PLA2G2F: variants seen among roughly 807,000 people sequenced by gnomAD.
PLA2G2F encodes the protein group IIF secretory phospholipase A2.
PLA2G2F carries 17 observed loss-of-function variants against 15.9 expected under a neutral mutation model. That is an observed-to-expected ratio of 1.07 (90% CI 0.73 to 1.60). PLA2G2F has a LOEUF of 1.60. Among genes scored for constraint, PLA2G2F ranks in the 40% most tolerant of loss-of-function variants. PLA2G2F has a pLI of 0.00. For missense variants in PLA2G2F, 299 were observed against 278.2 expected (o/e 1.07, Z -0.53); for synonymous variants, 119 against 106.5 (o/e 1.12, Z -0.72).
rs2100699992 is a variant in PLA2G2F at position 20,150,089 on chromosome 1, G to C, written c.*1688G>C. 1 of 152,536 alleles carries C rather than the reference G, an allele frequency of 6.6e-6. No homozygotes were observed. The highest frequency in any genetic ancestry group is 1.9e-4 in the East Asian group (1 of 5,178). The allele number at this position is 152,536 out of a possible 1,614,324, so 9.4% of individuals were successfully genotyped here. A position where few individuals can be genotyped will look rare whatever the true frequency, so the allele number is the denominator to read the frequency against. Reference sequence around the variant, plus strand: ...AAGGACACTGCCACCCAGCGCCACAGTCAGTCTGGGAGGGGCCCACGCCCC... The same window carrying C: ...AAGGACACTGCCACCCAGCGCCACACTCAGTCTGGGAGGGGCCCACGCCCC... On this transcript the variant is annotated 3_prime_UTR_variant, in exon 5 of 5. Transcript: ENST00000375102.
At chr1:20,142,341 A>C (rs2017491642) in intron 2 of PLA2G2F, 1 of 152,462 alleles carries the variant, frequency 6.6e-6, no homozygotes, top group African/African-American at 2.4e-5. Context: ...GACCTGGGCA[A>C]GCCTGCACCT....
intron 4 of PLA2G2F, among the ~76,000 whole-genome samples, chr1:20,145,322 G>A (rs140003053): frequency 8.9e-5 from 13 of 146,254 alleles, no homozygotes; most frequent in East Asian, 2.0e-4. Context: ...TCTCTCTGTC[G>A]CAAGGCTGGA....
In PLA2G2F at chr1:20,139,473, G is replaced by A. The variant is rs758341321; in HGVS notation, c.46G>A (p.Val16Met). 1.3e-6 allele frequency: 2 copies of A among 1,581,986 alleles called. No homozygotes were observed. Among genetic ancestry groups the A allele is most frequent in the East Asian group, 2.3e-5 (1 of 43,410 alleles). Residue 16 changes from valine to methionine, a missense_variant, in exon 1 of 5, where the codon GTG becomes ATG. Transcript: ENST00000375102. ...KANPKGFKKK[V>M]LDRCFSGWRG... ...CAACCCCAAAGGGTTCAAAAAGAAG[G>A]TGCTGGATAGATGCTTCTCTGGGTG...
intron 2 of PLA2G2F, chr1:20,142,575 T>G (rs1388518059): frequency 6.6e-6 from 1 of 152,488 alleles, no homozygotes; most frequent in Non-Finnish European, 1.5e-5. Flanking sequence ...GGGGAGAATG[T>G]GTCCTGGGGT....
rs201534275 is a variant in PLA2G2F, at chr1:20,143,528, C to T, written c.252C>T (p.Phe84=). The T allele has an allele frequency of 3.7e-5, 60 of 1,614,038 alleles. No individual in the cohort carries two copies. The highest frequency in any genetic ancestry group is 4.5e-5 in the Non-Finnish European group (53 of 1,179,968). Residue 84 remains phenylalanine, a synonymous_variant, in exon 3 of 5, where the codon TTC becomes TTT. Transcript: ENST00000375102. ...AVTGRSAILS[F]VGYGCYCGLG... ...CAGGGAGGAGCGCCATCCTGTCCTT[C>T]GTGGGCTACGGTTGCTACTGTGGGC...
At chr1:20,146,743 C>T (rs1460825254) in intron 4 of PLA2G2F, among the ~76,000 whole-genome samples, 1 of 152,138 alleles carries the variant, frequency 6.6e-6, no homozygotes, top group African/African-American at 2.4e-5. Flanking sequence ...CCCTTGGGGG[C>T]CCAGATCTCT....
intron 1 of PLA2G2F, 152 bp downstream of exon 1, chr1:20,139,695 T>C: frequency 3.1e-6 from 2 of 636,702 alleles, no homozygotes; most frequent in Non-Finnish European, 5.2e-6. Context: ...GGCACTCATG[T>C]GGCCCAGGGA....
At position 20,149,802 on chromosome 1, in the gene PLA2G2F, A is replaced by C. The variant is rs1248792133; in HGVS notation, c.*1401A>C. The C allele has an allele frequency of 6.6e-6, 1 of 152,294 alleles. No homozygotes were observed. Among genetic ancestry groups the C allele is most frequent in the African/African-American group, 2.4e-5 (1 of 41,344 alleles). 9.4% of individuals were successfully genotyped at this position (152,294 alleles called of 1,614,324 possible). A position where few individuals can be genotyped will look rare whatever the true frequency, so the allele number is the denominator to read the frequency against. On this transcript the variant is annotated 3_prime_UTR_variant, in exon 5 of 5. Transcript: ENST00000375102. ...ACTGTTGTTTCTCCAGGTGCACCTT[A>C]CCTTCCTCCTTACCTGCCCGAGCCT...
At chr1:20,140,571 G>A (rs144211012) in intron 2 of PLA2G2F, 1 of 259,096 alleles carries the variant, frequency 3.9e-6, no homozygotes, top group Non-Finnish European at 7.5e-6. Flanking sequence ...CTATGTGTGT[G>A]TAGGTGTGTC....
At chr1:20,142,948 G>A (rs1295197852) in intron 2 of PLA2G2F, 1 of 152,662 alleles carries the variant, frequency 6.6e-6, no homozygotes, top group Non-Finnish European at 1.5e-5. Context: ...CATCCCCCTT[G>A]AGAAGTGTGT....
chr1:20,145,583 C>T (rs1269103609), intron 4 of PLA2G2F, among the ~76,000 whole-genome samples: 2 of 151,632 alleles, frequency 1.3e-5, no homozygotes, highest in Admixed American at 1.3e-4. Flanking sequence ...TCCAGCCAAA[C>T]ATGTACTGTT....
At chr1:20,141,497 AGTGTGTGTGAGATGG>A (rs1004663824) in intron 2 of PLA2G2F, 2 of 151,750 alleles carry the variant, frequency 1.3e-5, no homozygotes, top group Non-Finnish European at 2.9e-5. Context: ...CAGGTGTGTG[AGTGTGTGTGAGATGG>A]GTGTGTGTGT....
rs747196063 is a variant in PLA2G2F at position 20,143,560 on chromosome 1, G to C, written c.284G>C (p.Gly95Ala). The change falls in exon 3 of 5, where the codon GGC (glycine) becomes GCC (alanine). Residue 95 changes from glycine (G) to alanine (A), a missense_variant. Gly to Ala is a moderately conservative substitution (Grantham distance 60). Transcript: ENST00000375102. The part of the protein sequence containing the change: ...VGYGCYCGLG[G>A]RGQPKDEVDW... ...TACGGTTGCTACTGTGGGCTGGGGG[G>C]CCGTGGCCAGCCCAAGGATGAGGTG... 13 of 1,614,028 alleles carry C rather than the reference G, an allele frequency of 8.1e-6. No individual in the cohort carries two copies. Among genetic ancestry groups the C allele is most frequent in the South Asian group, 1.1e-5 (1 of 91,076 alleles).
At chr1:20,143,708 T>G (rs2017527147) in intron 3 of PLA2G2F, 118 bp downstream of exon 3, 1 of 1,298,518 alleles carries the variant, frequency 7.7e-7, no homozygotes, top group South Asian at 1.5e-5. Context: ...GGATCCAGCT[T>G]CTTTGATGAC....
At position 20,141,171 on chromosome 1, in the gene PLA2G2F, G is replaced by A. The variant is rs1404902475; in HGVS notation, c.169+953G>A. On this transcript the variant is annotated intron_variant, in intron 2 of 4. Coordinates refer to ENST00000375102, the MANE Select transcript of PLA2G2F (RefSeq NM_022819.4). ...TAGGGGCAGAGCCTTCAACCCAACT[G>A]AATGCGGACTTGGATTCCTTCGCTT... 2.0e-5 allele frequency: 3 copies of A among 152,310 alleles called. No homozygotes were observed. The East Asian group carries it at 5.8e-4, about 29-fold the overall frequency. 9.4% of individuals were successfully genotyped at this position (152,310 alleles called of 1,614,324 possible).
In PLA2G2F at chr1:20,148,495, G is replaced by T; in HGVS notation, c.*94G>T. ...GGTAGGAGCCAGGCCAGGAGCCTGAGGGTTGCTGGTTGCCTCCTCCCTGGA... is the reference window on the plus strand; with the variant it reads ...GGTAGGAGCCAGGCCAGGAGCCTGATGGTTGCTGGTTGCCTCCTCCCTGGA... On this transcript the variant is annotated 3_prime_UTR_variant, in exon 5 of 5. Transcript: ENST00000375102. 9.2e-7 allele frequency: 1 copy of T among 1,088,394 alleles called. No homozygotes were observed. Among genetic ancestry groups the T allele is most frequent in the Non-Finnish European group, 1.3e-6 (1 of 746,460 alleles). 67.4% of individuals were successfully genotyped at this position (1,088,394 alleles called of 1,614,324 possible).
intron 2 of PLA2G2F, chr1:20,140,728 G>C (rs1454525722): frequency 6.3e-6 from 1 of 159,452 alleles, no homozygotes; most frequent in Non-Finnish European, 1.4e-5. Context: ...ATGGATGAAG[G>C]GTGCATAGAT....
intron 1 of PLA2G2F, 29 bp from the exon 2 acceptor site, chr1:20,140,137 C>T (rs748676300): frequency 1.2e-6 from 2 of 1,611,660 alleles, no homozygotes. Context: ...AGGGGATGGA[C>T]TCAAGCTCCG....
rs1022553401 is a variant in PLA2G2F at position 20,149,503 on chromosome 1, G to A, written c.*1102G>A. 1.3e-5 allele frequency: 2 copies of A among 152,736 alleles called. No homozygotes were observed. The highest frequency in any genetic ancestry group is 2.4e-5 in the African/African-American group (1 of 41,474). 9.5% of individuals were successfully genotyped at this position (152,736 alleles called of 1,614,324 possible). A position where few individuals can be genotyped will look rare whatever the true frequency, so the allele number is the denominator to read the frequency against. The stretch of plus-strand genomic sequence containing the variant: ...CAGTGAAGAGGGAAACGTAAGCAGG[G>A]AGAGCATCAAGGCGGGAGGCAGCCT... On this transcript the variant is annotated 3_prime_UTR_variant, in exon 5 of 5. Transcript: ENST00000375102.
Sources: allele counts gnomAD v4.1 joint callset (sites outside exome capture counted in the v4.1 genomes callset), GRCh38; gene constraint gnomAD v4.1.1; transcripts MANE v1.5; gene names NCBI Gene and HGNC (gene_info 2026-07-23, HGNC 2026-07-21).